Variants in MRPS35 observed in about 807,000 individuals in gnomAD.
The protein encoded by MRPS35 is small ribosomal subunit protein mS35.
Under a neutral mutation model 32.7 loss-of-function variants are expected in MRPS35, and 29 were observed. The observed-to-expected ratio is 0.89, with a 90% CI of 0.66 to 1.21. The LOEUF (loss-of-function observed/expected upper bound fraction) is 1.21, where lower values mean the gene tolerates loss of function less well. Among genes scored for constraint, MRPS35 ranks in the 50% most tolerant of loss-of-function variants. The pLI is 0.00. For missense variants in MRPS35, 373 were observed against 383.8 expected (o/e 0.97, Z 0.23); for synonymous variants, 148 against 139.3 (o/e 1.06, Z -0.44).
At chr12:27,718,876 C>G (rs2061861611) in intron 3 of MRPS35, among the ~76,000 whole-genome samples, 1 of 152,112 alleles carries the variant, frequency 6.6e-6, no homozygotes, top group South Asian at 2.1e-4. Context: ...CACCTGAGGC[C>G]AGGAGTTTGA....
intron 7 of MRPS35, among the ~76,000 whole-genome samples, chr12:27,752,494 C>T (rs1020173195): frequency 1.3e-5 from 2 of 152,152 alleles, no homozygotes; most frequent in Admixed American, 6.5e-5. Flanking sequence ...ATAGTTAAGT[C>T]TCTTAATTGC....
intron 7 of MRPS35, among the ~76,000 whole-genome samples, chr12:27,738,251 A>T (rs1375416683): frequency 6.6e-6 from 1 of 152,186 alleles, no homozygotes; most frequent in Non-Finnish European, 1.5e-5. Flanking sequence ...CACTTTATAC[A>T]CATAGCCTAA....
At chr12:27,721,068 G>A (rs1049548789) in intron 4 of MRPS35, among the ~76,000 whole-genome samples, 1 of 152,070 alleles carries the variant, frequency 6.6e-6, no homozygotes, top group Non-Finnish European at 1.5e-5. Flanking sequence ...ATGAAACCTA[G>A]AAACACTTCA....
At chr12:27,716,552 G>T in intron 3 of MRPS35, 94 bp downstream of exon 3, 1 of 1,167,352 alleles carries the variant, frequency 8.6e-7, no homozygotes, top group Non-Finnish European at 1.2e-6. Context: ...TCACCGTTCA[G>T]TGTATAGCAG....
chr12:27,756,181 C>G lies in MRPS35; in HGVS notation c.*731C>G, dbSNP rs1402220988. 1 of 152,158 alleles carries G rather than the reference C, an allele frequency of 6.6e-6. No homozygotes were observed. Among genetic ancestry groups the G allele is most frequent in the Non-Finnish European group, 1.5e-5 (1 of 68,032 alleles). 9.4% of individuals were successfully genotyped at this position (152,158 alleles called of 1,614,324 possible). A position where few individuals can be genotyped will look rare whatever the true frequency, so the allele number is the denominator to read the frequency against. ...CAAAATAAGAACTACCCTGGGAAAC[C>G]CTGCATTCAATGTAGCTGTCAATTC... On this transcript the variant is annotated 3_prime_UTR_variant, in exon 8 of 8. Coordinates refer to ENST00000081029, the MANE Select transcript of MRPS35 (RefSeq NM_021821.4).
intron 4 of MRPS35, among the ~76,000 whole-genome samples, chr12:27,721,973 C>T (rs1354977493): frequency 6.6e-6 from 1 of 152,098 alleles, no homozygotes; most frequent in Non-Finnish European, 1.5e-5. Flanking sequence ...CCTGTGGTCC[C>T]AGCTACTCTG....
intron 1 of MRPS35, among the ~76,000 whole-genome samples, chr12:27,714,516 G>A (rs1388391120): frequency 6.7e-6 from 1 of 150,074 alleles, no homozygotes; most frequent in Non-Finnish European, 1.5e-5. Context: ...AACTCCGGAG[G>A]TAGAGGTTGC....
intron 1 of MRPS35, among the ~76,000 whole-genome samples, chr12:27,711,878 T>A (rs1184176226): frequency 1.4e-5 from 2 of 143,714 alleles, no homozygotes; most frequent in Non-Finnish European, 3.0e-5. Flanking sequence ...TGTCTATTTT[T>A]AAATTTTCAT....
chr12:27,713,945 A>C (rs2061838603), intron 1 of MRPS35, among the ~76,000 whole-genome samples: 1 of 151,870 alleles, frequency 6.6e-6, no homozygotes, highest in Admixed American at 6.6e-5. Flanking sequence ...GGGTGTGCTC[A>C]TGTCTTTAGT....
chr12:27,731,263 C>G (rs2061921178), intron 5 of MRPS35, among the ~76,000 whole-genome samples: 1 of 152,256 alleles, frequency 6.6e-6, no homozygotes, highest in Non-Finnish European at 1.5e-5. Context: ...CTCCAAGGAG[C>G]CCTTACTGAT....
intron 7 of MRPS35, among the ~76,000 whole-genome samples, chr12:27,753,637 C>A (rs570707686): frequency 5.3e-5 from 8 of 152,058 alleles, no homozygotes; most frequent in African/African-American, 1.9e-4. Context: ...AATATTTTGC[C>A]ACCTTTAAAA....
intron 5 of MRPS35, among the ~76,000 whole-genome samples, chr12:27,729,812 TAC>T (rs2061914495): frequency 6.6e-6 from 1 of 152,148 alleles, no homozygotes; most frequent in African/African-American, 2.4e-5. Flanking sequence ...TCCCTACTGT[TAC>T]TCACCTGGAC....
At chr12:27,719,934 C>T in intron 4 of MRPS35, 66 bp downstream of exon 4, 1 of 1,149,240 alleles carries the variant, frequency 8.7e-7, no homozygotes, top group South Asian at 1.3e-5. Flanking sequence ...AATCTCTGTT[C>T]TGATATACTG....
chr12:27,746,032 G>A (rs975277437), intron 7 of MRPS35, among the ~76,000 whole-genome samples: 1 of 152,164 alleles, frequency 6.6e-6, no homozygotes, highest in African/African-American at 2.4e-5. Flanking sequence ...ACATATGTGT[G>A]CATGTGTCTT....
In MRPS35 at chr12:27,716,354, G is replaced by C. The variant is rs1444649149; in HGVS notation, c.217G>C (p.Ala73Pro). The change falls in exon 3 of 8, where the codon GCA (alanine) becomes CCA (proline). Residue 73 changes from alanine (A) to proline (P), a missense_variant. Physicochemically the swap from Ala to Pro is conservative, Grantham distance 27. Transcript: ENST00000081029. ...GGACTGGCCTAGTGTTTACCCAGTT[G>C]CAGCACCATTTAAACCCTCTGCAGT... ...DQDWPSVYPV[A>P]APFKPSAVPL... 1.9e-6 allele frequency: 3 copies of C among 1,614,136 alleles called. No individual in the cohort carries two copies. In the East Asian group the frequency reaches 6.7e-5, roughly 36 times the overall value.
intron 1 of MRPS35, among the ~76,000 whole-genome samples, 180 bp from the exon 2 acceptor site, chr12:27,714,599 GT>G (rs2061841934): frequency 7.9e-6 from 1 of 126,348 alleles, no homozygotes; most frequent in Non-Finnish European, 1.6e-5. Flanking sequence ...CCAGTTTTTA[GT>G]CTTCATTAAG....
In MRPS35 at chr12:27,714,780, C is replaced by T. The variant is rs368285097; in HGVS notation, c.113C>T (p.Pro38Leu). The change falls in exon 2 of 8, where the codon CCG becomes CTG. Residue 38 changes from proline (P) to leucine (L), a missense_variant and splice_region_variant. Transcript: ENST00000081029. ...SATPVPTPSL[P>L]ERTPGNERPP... ...CTACTGTGTTATCTTTTACGTACAG[C>T]GGAAAGAACACCCGGAAATGAAAGG... 42 of 1,608,642 alleles carry T rather than the reference C, an allele frequency of 2.6e-5. No homozygotes were observed. Among genetic ancestry groups the T allele is most frequent in the South Asian group, 1.3e-4 (12 of 90,884 alleles).
At chr12:27,724,360 A>G (rs746680818) in intron 5 of MRPS35, among the ~76,000 whole-genome samples, 174 bp downstream of exon 5, 71 of 152,206 alleles carry the variant, frequency 4.7e-4, no homozygotes, top group East Asian at 7.7e-4. Context: ...GCAACATAGC[A>G]AGAACCTATC....
rs746763179 is a variant in MRPS35 at position 27,755,424 on chromosome 12, G to A, written c.946G>A (p.Val316Met). The A allele has an allele frequency of 7.0e-6, 11 of 1,576,124 alleles. No individual in the cohort carries two copies. Among genetic ancestry groups the A allele is most frequent in the African/African-American group, 2.7e-5 (2 of 72,744 alleles). Residue 316 changes from valine (V) to methionine (M), a missense_variant, in exon 8 of 8, where the codon GTG (valine) becomes ATG (methionine). Coordinates refer to ENST00000081029, the MANE Select transcript of MRPS35 (RefSeq NM_021821.4). The stretch of plus-strand genomic sequence containing the variant: ...TTCCATTTCTCAGTACAAAGAATCC[G>A]TGAAGAGACTATTAAATGTGACATG... ...ENSISQYKES[V>M]KRLLNVT
Sources: gnomAD v4.1 joint callset for allele counts (sites outside exome capture counted in the v4.1 genomes callset) on GRCh38, gnomAD v4.1.1 for gene constraint, MANE v1.5 for transcripts, NCBI Gene and HGNC (gene_info 2026-07-23, HGNC 2026-07-21) for gene names.